ZFHX3: variants seen among roughly 807,000 people sequenced by gnomAD.
ZFHX3 encodes the protein zinc finger homeobox protein 3.
ZFHX3 carries 42 observed loss-of-function variants against 279.1 expected under a neutral mutation model. The observed-to-expected ratio is 0.15, with a 90% confidence interval of 0.12 to 0.19. The LOEUF is 0.19. Among genes scored for constraint, ZFHX3 ranks in the 10% least tolerant of loss-of-function variants. The pLI, the probability that ZFHX3 is intolerant of heterozygous loss-of-function variation, is 1.00. For missense variants in ZFHX3, 4,981 were observed against 4,754.0 expected, an observed-to-expected ratio of 1.05 and a Z score of -1.40; for synonymous variants, 2,293 against 1,957.8, an observed-to-expected ratio of 1.17 and a Z score of -4.52.
chr16:72,893,503 C>A (rs2038821987), intron 3 of ZFHX3, among the ~76,000 whole-genome samples: 1 of 152,140 alleles, frequency 6.6e-6, no homozygotes, highest in South Asian at 2.1e-4. Context: ...ACCGTATAAA[C>A]CCTGGATTGA....
At chr16:73,284,603 G>A (rs2014546682) in intron 4 of ZFHX3, among the ~76,000 whole-genome samples, 1 of 152,030 alleles carries the variant, frequency 6.6e-6, no homozygotes, top group African/African-American at 2.4e-5. Context: ...ACTGCTTTTT[G>A]CTCTTACGAG....
chr16:72,881,385 G>A (rs1419242145), intron 4 of ZFHX3, among the ~76,000 whole-genome samples: 5 of 151,740 alleles, frequency 3.3e-5, no homozygotes, highest in South Asian at 2.1e-4. Flanking sequence ...GTCAATGTTT[G>A]AAAAAAATAA....
chr16:72,874,267 C>G (rs1481912169), intron 4 of ZFHX3, among the ~76,000 whole-genome samples: 1 of 136,616 alleles, frequency 7.3e-6, no homozygotes, highest in Non-Finnish European at 1.5e-5. Flanking sequence ...AGTGCAGTGG[C>G]ACAATCTCGG....
At chr16:73,542,867 T>A (rs1337280427) in intron 2 of ZFHX3, among the ~76,000 whole-genome samples, 2 of 152,160 alleles carry the variant, frequency 1.3e-5, no homozygotes, top group African/African-American at 4.8e-5. Context: ...TGTGTGTGTG[T>A]GTGTTGGGAA....
At chr16:73,764,388 G>C (rs1022364479) in intron 1 of ZFHX3, among the ~76,000 whole-genome samples, 1 of 152,142 alleles carries the variant, frequency 6.6e-6, no homozygotes, top group African/African-American at 2.4e-5. Flanking sequence ...GAGAGATGCA[G>C]TGTGGAACAG....
chr16:73,461,456 C>A (rs2018468721), intron 2 of ZFHX3, among the ~76,000 whole-genome samples: 1 of 152,174 alleles, frequency 6.6e-6, no homozygotes, highest in Admixed American at 6.5e-5. Flanking sequence ...TCCAACAAAT[C>A]TTTTGTAGTC....
chr16:72,787,059 T>G lies in ZFHX3; in HGVS notation c.*105A>C. The G allele has an allele frequency of 2.5e-6, 3 of 1,189,924 alleles. No individual in the cohort carries two copies. The highest frequency in any genetic ancestry group is 3.0e-5 in the East Asian group (1 of 33,134). The allele number at this position is 1,189,924 out of a possible 1,614,324, so 73.7% of individuals were successfully genotyped here. On this transcript the variant is annotated 3_prime_UTR_variant, in exon 10 of 10. Transcript: ENST00000268489. ...TTTTTCTTTTTTTTTTTTTTTTTGT[T>G]TTTTGGTTAGAAGCTTTGGAATTGC...
At chr16:72,807,007 A>G (rs534564820) in intron 7 of ZFHX3, 11 of 152,362 alleles carry the variant, frequency 7.2e-5, no homozygotes, top group Admixed American at 5.9e-4. Context: ...ATAGTGATCA[A>G]TTAGAATAAT....
intron 5 of ZFHX3, among the ~76,000 whole-genome samples, chr16:73,225,916 A>G (rs1466598739): frequency 1.3e-5 from 2 of 152,084 alleles, no homozygotes; most frequent in African/African-American, 4.8e-5. Flanking sequence ...TACACTCCAC[A>G]CAGTCCCAGG....
intron 2 of ZFHX3, among the ~76,000 whole-genome samples, chr16:73,564,378 A>G (rs1456498588): frequency 6.6e-6 from 1 of 152,096 alleles, no homozygotes; most frequent in Non-Finnish European, 1.5e-5. Context: ...CTCATCCAAA[A>G]TGCTAGCCCC....
chr16:73,616,893 GCTAATTCC>G (rs2052309150), intron 2 of ZFHX3, among the ~76,000 whole-genome samples: 1 of 152,204 alleles, frequency 6.6e-6, no homozygotes, highest in Non-Finnish European at 1.5e-5. Context: ...ATTGTAGCAA[GCTAATTCC>G]CTTCTTCCAC....
chr16:73,875,999 T>C (rs1341245726), intron 1 of ZFHX3, among the ~76,000 whole-genome samples: 1 of 152,212 alleles, frequency 6.6e-6, no homozygotes. Flanking sequence ...GCCATAGTAA[T>C]ATTTAAATAC....
chr16:73,057,821 CG>C (rs1397725491), intron 1 of ZFHX3, among the ~76,000 whole-genome samples: 15 of 150,688 alleles, frequency 1.0e-4, no homozygotes, highest in African/African-American at 3.6e-4. Flanking sequence ...CCCGCGTCGC[CG>C]GCAAGTCGAG....
intron 1 of ZFHX3, among the ~76,000 whole-genome samples, chr16:73,029,452 A>T (rs1009923515): frequency 6.6e-6 from 1 of 152,178 alleles, no homozygotes; most frequent in African/African-American, 2.4e-5. Context: ...AAAAGCTGAG[A>T]CCTCAGGACT....
chr16:73,100,573 C>T (rs994524006), intron 7 of ZFHX3, among the ~76,000 whole-genome samples: 4 of 150,184 alleles, frequency 2.7e-5, no homozygotes, highest in East Asian at 2.0e-4. Context: ...CCAGGAATTC[C>T]CCTCTTTTTT....
At chr16:73,399,512 C>G (rs542888023) in intron 3 of ZFHX3, among the ~76,000 whole-genome samples, 1 of 152,166 alleles carries the variant, frequency 6.6e-6, no homozygotes, top group Non-Finnish European at 1.5e-5. Flanking sequence ...TTGGTATTCT[C>G]TCTACCACAC....
intron 7 of ZFHX3, among the ~76,000 whole-genome samples, chr16:73,110,028 C>A (rs1194071882): frequency 6.6e-6 from 1 of 151,948 alleles, no homozygotes; most frequent in Non-Finnish European, 1.5e-5. Flanking sequence ...ATCATGAGGT[C>A]AGGAGATCGA....
At chr16:73,784,790 A>AC (rs1203140550) in intron 1 of ZFHX3, among the ~76,000 whole-genome samples, 114 of 98,198 alleles carry the variant, frequency 1.2e-3, no homozygotes, top group African/African-American at 8.8e-3. Context: ...ACAAAATAAA[A>AC]AAAAAAATAT....
At chr16:73,588,606 T>A (rs1721603349) in intron 2 of ZFHX3, among the ~76,000 whole-genome samples, 1 of 149,556 alleles carries the variant, frequency 6.7e-6, no homozygotes, top group Non-Finnish European at 1.5e-5. Flanking sequence ...AGGAGAATAG[T>A]GTGAACCTGG....
Sources: allele counts gnomAD v4.1 joint callset (sites outside exome capture counted in the v4.1 genomes callset), GRCh38; gene constraint gnomAD v4.1.1; transcripts MANE v1.5; gene names NCBI Gene and HGNC (gene_info 2026-07-23, HGNC 2026-07-21).